The following GALNT14 variants were observed in gnomAD, a reference collection of about 807,000 sequenced individuals.
GALNT14 encodes the protein UDP-GalNAc:polypeptide N-acetylgalactosaminyltransferase 14.
Under a neutral mutation model 77.5 loss-of-function variants are expected in GALNT14, and 60 were observed. The ratio of observed to expected loss-of-function variants is 0.77; its 90% CI spans 0.63 to 0.96. GALNT14 has a LOEUF of 0.96. Among genes scored for constraint, GALNT14 ranks in the 40% least tolerant of loss-of-function variants. The probability of loss-of-function intolerance (pLI) is 0.00; values close to 1 mark genes in which losing one functional copy is unlikely to be tolerated. For synonymous variants in GALNT14, 280 were observed against 281.7 expected (o/e 0.99, Z 0.06); for missense variants, 710 against 731.0 (o/e 0.97, Z 0.33).
At chr2:31,056,355 G>C (rs2148529962) in intron 1 of GALNT14, among the ~76,000 whole-genome samples, 1 of 152,310 alleles carries the variant, frequency 6.6e-6, no homozygotes, top group South Asian at 2.1e-4. Flanking sequence ...CAGAAGTGTG[G>C]TCATGAGAAA....
At chr2:30,900,856 T>G in the GALNT14 span, among the ~76,000 whole-genome samples, 2 of 152,202 alleles carry the variant, frequency 1.3e-5, no homozygotes, top group Non-Finnish European at 2.9e-5. Context: ...AATCACAGCC[T>G]CTTGGGTGGC....
intron 1 of GALNT14, among the ~76,000 whole-genome samples, chr2:31,056,473 C>T (rs1258509122): frequency 3.9e-5 from 6 of 152,134 alleles, no homozygotes; most frequent in Non-Finnish European, 8.8e-5. Flanking sequence ...CATGGGAAGC[C>T]ACTGGCCAGA....
At chr2:31,123,754 C>T (rs1558584074) in intron 1 of GALNT14, among the ~76,000 whole-genome samples, 1 of 152,182 alleles carries the variant, frequency 6.6e-6, no homozygotes, top group Non-Finnish European at 1.5e-5. Flanking sequence ...CCATGCAGAA[C>T]AACGCCTGGT....
intron 1 of GALNT14, among the ~76,000 whole-genome samples, chr2:31,016,211 C>T (rs897950403): frequency 1.3e-5 from 2 of 152,168 alleles, no homozygotes; most frequent in African/African-American, 4.8e-5. Flanking sequence ...CGCAGATGGC[C>T]GTCTTCTGGC....
At chr2:30,984,752 C>T (rs1669192411) in intron 2 of GALNT14, among the ~76,000 whole-genome samples, 1 of 152,214 alleles carries the variant, frequency 6.6e-6, no homozygotes, top group Non-Finnish European at 1.5e-5. Flanking sequence ...ACGCCATCTC[C>T]TTCAAGAAGC....
chr2:31,090,428 G>A (rs887178258), intron 1 of GALNT14, among the ~76,000 whole-genome samples: 7 of 150,074 alleles, frequency 4.7e-5, no homozygotes, highest in African/African-American at 1.2e-4. Context: ...CGCATCTGAC[G>A]CACCTGGAGA....
At chr2:31,132,005 A>G (rs1021385213) in intron 1 of GALNT14, among the ~76,000 whole-genome samples, 1 of 152,214 alleles carries the variant, frequency 6.6e-6, no homozygotes, top group African/African-American at 2.4e-5. Context: ...CTTTCCAAAA[A>G]CTATCAGGTC....
chr2:31,119,406 G>T lies in GALNT14; in HGVS notation c.129+18552C>A, dbSNP rs771524518. Among the ~76,000 whole-genome samples the T allele has an allele frequency of 4.5e-4, 69 of 152,236 alleles. 1 individual carries two copies. The highest frequency in any genetic ancestry group is 8.1e-4 in the Non-Finnish European group (55 of 67,986). ...CAGTAGAAAAATAGGGAGAGGATAT[G>T]AATAGACCCCTCATAGAAGGGCAAG... On this transcript the variant is annotated intron_variant, in intron 1 of 14. Coordinates refer to ENST00000349752, the MANE Select transcript of GALNT14 (RefSeq NM_024572.4).
chr2:30,917,983 G>A (rs773967080), intron 13 of GALNT14, among the ~76,000 whole-genome samples: 4 of 152,232 alleles, frequency 2.6e-5, no homozygotes, highest in Non-Finnish European at 2.9e-5. Flanking sequence ...AGCATCAGCT[G>A]CAGTGATTGT....
At chr2:31,044,847 G>A (rs781658561) in intron 1 of GALNT14, among the ~76,000 whole-genome samples, 7 of 152,032 alleles carry the variant, frequency 4.6e-5, no homozygotes, top group Non-Finnish European at 8.8e-5. Flanking sequence ...CATGGGAGGT[G>A]GAGGTTGCAG....
chr2:30,895,169 T>C, the GALNT14 span, among the ~76,000 whole-genome samples: 1 of 152,220 alleles, frequency 6.6e-6, no homozygotes, highest in East Asian at 1.9e-4. Flanking sequence ...AAGACCTGGC[T>C]GGCTCTATTC....
rs1044159411 is a variant in GALNT14, at chr2:30,955,710, C to T, written c.562G>A (p.Asp188Asn). ...GLVRSRIRGA[D>N]IAQGTTLTFL... Reference sequence around the variant, plus strand: ...GTCAGAGTGGTGCCCTGGGCGATGTCAGCGCCCCGAATCCGGGACCGGACC... The same window carrying T: ...GTCAGAGTGGTGCCCTGGGCGATGTTAGCGCCCCGAATCCGGGACCGGACC... Residue 188 changes from aspartate to asparagine, a missense_variant, in exon 6 of 15, where the codon GAC (aspartate) becomes AAC (asparagine). Transcript: ENST00000349752. 1 of 1,614,064 alleles carries T rather than the reference C, an allele frequency of 6.2e-7. No individual in the cohort carries two copies. The highest frequency in any genetic ancestry group is 1.3e-5 in the African/African-American group (1 of 74,934).
chr2:31,101,729 G>T (rs1171432257), intron 1 of GALNT14, among the ~76,000 whole-genome samples: 1 of 151,852 alleles, frequency 6.6e-6, no homozygotes, highest in African/African-American at 2.4e-5. Flanking sequence ...TTTTATTGTT[G>T]TTTTTTTCCC....
intron 13 of GALNT14, among the ~76,000 whole-genome samples, chr2:30,917,483 C>T (rs1480033427): frequency 6.6e-6 from 1 of 152,186 alleles, no homozygotes; most frequent in African/African-American, 2.4e-5. Context: ...TACTCACATA[C>T]CACCTGGGCA....
At chr2:31,046,022 T>G (rs1304720813) in intron 1 of GALNT14, among the ~76,000 whole-genome samples, 2 of 152,182 alleles carry the variant, frequency 1.3e-5, no homozygotes, top group African/African-American at 4.8e-5. Context: ...ATTAAACTTC[T>G]ATTGAACAAG....
At chr2:31,089,216 A>G (rs1275122681) in intron 1 of GALNT14, among the ~76,000 whole-genome samples, 1 of 152,168 alleles carries the variant, frequency 6.6e-6, no homozygotes, top group Non-Finnish European at 1.5e-5. Context: ...CGAGTGGGAC[A>G]TCTGATTAGC....
chr2:31,127,032 T>C (rs1312531424), intron 1 of GALNT14, among the ~76,000 whole-genome samples: 2 of 152,170 alleles, frequency 1.3e-5, no homozygotes, highest in African/African-American at 4.8e-5. Context: ...CACACTCAGT[T>C]CAGATCTTTC....
intron 1 of GALNT14, among the ~76,000 whole-genome samples, chr2:31,069,421 C>T (rs1017969810): frequency 6.6e-6 from 1 of 152,220 alleles, no homozygotes; most frequent in Admixed American, 6.5e-5. Flanking sequence ...AAGCACTTTG[C>T]TTGTATTTCC....
At chr2:31,089,390 C>T (rs1676615979) in intron 1 of GALNT14, among the ~76,000 whole-genome samples, 1 of 151,826 alleles carries the variant, frequency 6.6e-6, no homozygotes, top group South Asian at 2.1e-4. Context: ...TTAACTGGCT[C>T]AAGAAGAAAA....
Sources: allele counts gnomAD v4.1 joint callset (sites outside exome capture counted in the v4.1 genomes callset), GRCh38; gene constraint gnomAD v4.1.1; transcripts MANE v1.5; gene names NCBI Gene and HGNC (gene_info 2026-07-23, HGNC 2026-07-21).